Variants in BNC2 observed in about 807,000 individuals in gnomAD.
BNC2 encodes zinc finger protein basonuclin-2.
Under a neutral mutation model 76.3 loss-of-function variants are expected in BNC2, and 20 were observed. The ratio of observed to expected loss-of-function variants is 0.26; its 90% CI spans 0.18 to 0.38. The LOEUF is 0.38. Among genes scored for constraint, BNC2 ranks in the 10% least tolerant of loss-of-function variants. BNC2 has a pLI of 1.00. For synonymous variants in BNC2, 582 were observed against 514.8 expected, an observed-to-expected ratio of 1.13 and a Z score of -1.77; for missense variants, 1,382 against 1,399.8, an observed-to-expected ratio of 0.99 and a Z score of 0.20.
At chr9:16,487,230 G>C (rs1408836650) in intron 5 of BNC2, among the ~76,000 whole-genome samples, 2 of 152,150 alleles carry the variant, frequency 1.3e-5, no homozygotes, top group East Asian at 3.9e-4. Flanking sequence ...CTACAGACCA[G>C]AGGATGTAAT....
chr9:16,755,318 C>T (rs1040096589), intron 1 of BNC2, among the ~76,000 whole-genome samples: 5 of 151,940 alleles, frequency 3.3e-5, no homozygotes, highest in African/African-American at 1.2e-4. Flanking sequence ...AATCAGTGAA[C>T]AAAAGGAAAG....
chr9:16,697,865 G>A (rs62541460), intron 3 of BNC2, among the ~76,000 whole-genome samples: 8 of 152,152 alleles, frequency 5.3e-5, no homozygotes, highest in African/African-American at 1.2e-4. Flanking sequence ...TGATTGCCAC[G>A]TACCTGGAAA....
rs549551737 is a variant in BNC2 at position 16,500,398 on chromosome 9, G to A, written c.669+52132C>T. ...TTTCTAAATGTATAGCACTTGTCTC[G>A]GGAACCATATGAAAGCTGATAGCAA... On this transcript the variant is annotated intron_variant, in intron 5 of 6. Coordinates refer to ENST00000380672, the MANE Select transcript of BNC2 (RefSeq NM_017637.6). Among the ~76,000 whole-genome samples the A allele has an allele frequency of 4.6e-5, 7 of 151,970 alleles. No homozygotes were observed. The East Asian group carries it at 5.8e-4, about 13-fold the overall frequency.
chr9:16,561,330 G>A (rs1461020220), intron 4 of BNC2, among the ~76,000 whole-genome samples: 4 of 152,084 alleles, frequency 2.6e-5, no homozygotes, highest in Non-Finnish European at 5.9e-5. Context: ...CTGAAAATTG[G>A]AGATAGAAAC....
rs565886339 is a variant in BNC2 at position 16,540,469 on chromosome 9, G to A, written c.669+12061C>T. ...CATATTACAATGGTTGGGCACATGA[G>A]TATAGGGTCTCTATATCTAAAACTT... On this transcript the variant is annotated intron_variant, in intron 5 of 6. Transcript: ENST00000380672. 2.0e-5 allele frequency among the ~76,000 whole-genome samples: 3 copies of A among 152,214 alleles called. No homozygotes were observed. In the East Asian group the frequency reaches 5.8e-4, roughly 29 times the overall value.
chr9:16,650,523 C>T (rs1821764055), intron 3 of BNC2, among the ~76,000 whole-genome samples: 1 of 152,038 alleles, frequency 6.6e-6, no homozygotes, highest in Non-Finnish European at 1.5e-5. Flanking sequence ...TGGCTGTTTT[C>T]ACAGTAGAAA....
intron 3 of BNC2, among the ~76,000 whole-genome samples, chr9:16,655,985 A>G (rs1351684056): frequency 6.6e-6 from 1 of 152,176 alleles, no homozygotes; most frequent in Non-Finnish European, 1.5e-5. Flanking sequence ...CAGAAGAGGC[A>G]CATACAAGGC....
intron 4 of BNC2, among the ~76,000 whole-genome samples, chr9:16,563,732 C>A (rs7870380): frequency 0.18 from 27,032 of 152,092 alleles, 4,557 homozygotes; most frequent in African/African-American, 0.44. Context: ...AAAATTGGGA[C>A]TAGAACTGAT....
intron 3 of BNC2, among the ~76,000 whole-genome samples, chr9:16,690,992 A>G (rs1397447050): frequency 6.6e-6 from 1 of 152,168 alleles, no homozygotes; most frequent in East Asian, 1.9e-4. Context: ...GGGCTCTGTG[A>G]TAGGAGCAAC....
chr9:16,704,093 TG>T (rs1823591131), intron 3 of BNC2, among the ~76,000 whole-genome samples: 2 of 152,126 alleles, frequency 1.3e-5, no homozygotes, highest in South Asian at 2.1e-4. Context: ...TCCTATACAT[TG>T]GGGGAAAAAA....
chr9:16,513,988 T>C (rs988791910), intron 5 of BNC2, among the ~76,000 whole-genome samples: 2 of 152,154 alleles, frequency 1.3e-5, no homozygotes, highest in African/African-American at 4.8e-5. Context: ...TTTTCAAAAA[T>C]ATTAGCAAGA....
chr9:16,622,614 G>C (rs1383920199), intron 3 of BNC2, among the ~76,000 whole-genome samples: 2 of 152,136 alleles, frequency 1.3e-5, no homozygotes, highest in South Asian at 2.1e-4. Context: ...TAATGTAGCT[G>C]ATCCCTCTTG....
In BNC2 at chr9:16,436,877, T is replaced by G. The variant is rs764830745; in HGVS notation, c.1317A>C (p.Gly439=). 1 of 1,614,158 alleles carries G rather than the reference T, an allele frequency of 6.2e-7. No individual in the cohort carries two copies. The highest frequency in any genetic ancestry group is 2.2e-5 in the East Asian group (1 of 44,870). The stretch of plus-strand genomic sequence containing the variant: ...TCCCACATGCATTACAGAACACTCT[T>G]CCTTTCCTAGAGGCTGACCCCATCC... ...MRRMGSASRK[G]RVFCNACGKT... is the part of the protein sequence containing the mutation. The change falls in exon 6 of 7, where the codon GGA becomes GGC. Residue 439 remains glycine (G), a synonymous_variant. Transcript: ENST00000380672.
At chr9:16,788,283 G>C (rs537096990) in intron 1 of BNC2, among the ~76,000 whole-genome samples, 6 of 152,062 alleles carry the variant, frequency 3.9e-5, no homozygotes, top group African/African-American at 1.2e-4. Flanking sequence ...GCCAGGCGCG[G>C]TGGCTCACGC....
chr9:16,538,602 G>A (rs966197229), intron 5 of BNC2, among the ~76,000 whole-genome samples: 1 of 152,288 alleles, frequency 6.6e-6, no homozygotes, highest in East Asian at 1.9e-4. Flanking sequence ...GGAATGGGAA[G>A]GAAATATATC....
intron 1 of BNC2, among the ~76,000 whole-genome samples, chr9:16,752,659 TTC>T (rs2135295036): frequency 6.6e-6 from 1 of 152,340 alleles, no homozygotes; most frequent in Admixed American, 6.5e-5. Flanking sequence ...CTGTATAGTT[TTC>T]TTTTTATTCT....
intron 3 of BNC2, among the ~76,000 whole-genome samples, chr9:16,628,538 T>C (rs1204557868): frequency 6.6e-6 from 1 of 152,058 alleles, no homozygotes; most frequent in East Asian, 1.9e-4. Flanking sequence ...TGTATCTAAA[T>C]AAGTGAGGTG....
At chr9:16,535,122 G>A (rs77223296) in intron 5 of BNC2, among the ~76,000 whole-genome samples, 4,901 of 152,180 alleles carry the variant, frequency 0.032, 265 homozygotes, top group African/African-American at 0.11. Flanking sequence ...CTAGGTAGCT[G>A]CTCAGTTCAG....
chr9:16,735,787 A>G (rs1280651613), intron 2 of BNC2, among the ~76,000 whole-genome samples: 1 of 151,268 alleles, frequency 6.6e-6, no homozygotes, highest in African/African-American at 2.4e-5. Context: ...TACAGGGGTG[A>G]GCCACCATGC....
Sources: gnomAD v4.1 joint callset for allele counts (sites outside exome capture counted in the v4.1 genomes callset) on GRCh38, gnomAD v4.1.1 for gene constraint, MANE v1.5 for transcripts, NCBI Gene and HGNC (gene_info 2026-07-23, HGNC 2026-07-21) for gene names.